Variants in ZNF678 observed in about 807,000 individuals in gnomAD.
ZNF678 encodes the protein hypothetical protein MGC42493.
In ZNF678, 5 loss-of-function variants were observed where a neutral mutation model predicts 3.0. That is an observed-to-expected ratio of 1.69 (90% CI 0.88 to 3.56). ZNF678 has a LOEUF of 3.56. Ranked by LOEUF, ZNF678 falls within the 30% of genes most tolerant of loss-of-function variation. The pLI is 0.00. For synonymous variants in ZNF678, 218 were observed against 199.6 expected (o/e 1.09, Z -0.78); for missense variants, 593 against 605.0 (o/e 0.98, Z 0.21).
intron 5 of ZNF678, among the ~76,000 whole-genome samples, chr1:227,671,076 T>C (rs1489985142): frequency 5.5e-5 from 1 of 18,118 alleles, no homozygotes; most frequent in Non-Finnish European, 8.3e-5. Context: ...TGGATCACCT[T>C]TTTTTTTTTT....
chr1:227,672,382 T>TAA (rs972818999), intron 5 of ZNF678, among the ~76,000 whole-genome samples: 1 of 151,968 alleles, frequency 6.6e-6, no homozygotes, highest in Non-Finnish European at 1.5e-5. Context: ...GAAGGGCCCA[T>TAA]AATAAGCTTC....
chr1:227,642,736 G>C lies in ZNF678; in HGVS notation c.-163-3808G>C, dbSNP rs146481588. Among the ~76,000 whole-genome samples the C allele has an allele frequency of 1.7e-3, 265 of 151,738 alleles. 1 individual carries two copies. The highest frequency in any genetic ancestry group is 6.0e-3 in the African/African-American group (249 of 41,340). On this transcript the variant is annotated intron_variant, in intron 1 of 3. Coordinates refer to ENST00000343776, the MANE Select transcript of ZNF678 (RefSeq NM_001367909.1). ...CATTTAGGGATGTCCTGTGAAGACT[G>C]TTGATGGGGTTGTATTCTGCTTTCA...
intron 2 of ZNF678, among the ~76,000 whole-genome samples, chr1:227,647,187 GC>G (rs1658980553): frequency 6.6e-6 from 1 of 152,160 alleles, no homozygotes; most frequent in African/African-American, 2.4e-5. Context: ...AACCTGAGAG[GC>G]AGAGGTTGCA....
At chr1:227,592,412 T>G (rs1347023978) in intron 1 of ZNF678, among the ~76,000 whole-genome samples, 1 of 152,218 alleles carries the variant, frequency 6.6e-6, no homozygotes, top group African/African-American at 2.4e-5. Context: ...CTAGTTGTTT[T>G]GAGAGATAGG....
intron 1 of ZNF678, among the ~76,000 whole-genome samples, chr1:227,625,737 TA>T (rs1658395547): frequency 6.6e-6 from 1 of 152,098 alleles, no homozygotes. Context: ...TTGTAGGGGC[TA>T]GGGGTGCTTT....
chr1:227,563,594 T>A lies in ZNF678; in HGVS notation c.-294T>A. 1.0e-6 allele frequency: 1 copy of A among 982,500 alleles called. No individual in the cohort carries two copies. The highest frequency in any genetic ancestry group is 1.4e-6 in the Non-Finnish European group (1 of 694,238). The allele number at this position is 982,500 out of a possible 1,614,324, so 60.9% of individuals were successfully genotyped here. A position where few individuals can be genotyped will look rare whatever the true frequency, so the allele number is the denominator to read the frequency against. On this transcript the variant is annotated 5_prime_UTR_variant, in exon 1 of 4. Transcript: ENST00000343776. ...TCCAGCTGGAGCTTTGGTCCCGTAT[T>A]CTCGGCTATTTATCCCCAGCTGCGG...
chr1:227,617,646 C>A (rs1158351726), intron 1 of ZNF678, among the ~76,000 whole-genome samples: 2 of 152,156 alleles, frequency 1.3e-5, no homozygotes, highest in Non-Finnish European at 2.9e-5. Flanking sequence ...AATGGCCATA[C>A]ATACTATGGC....
chr1:227,613,588 G>A (rs1003097240), intron 1 of ZNF678, among the ~76,000 whole-genome samples: 1 of 152,240 alleles, frequency 6.6e-6, no homozygotes, highest in Non-Finnish European at 1.5e-5. Flanking sequence ...CCAGCAGCTT[G>A]AAGACTAGCA....
intron 3 of ZNF678, among the ~76,000 whole-genome samples, chr1:227,651,537 G>A (rs1659093189): frequency 6.6e-6 from 1 of 152,184 alleles, no homozygotes; most frequent in African/African-American, 2.4e-5. Flanking sequence ...CTTGACTATG[G>A]CTGGGAGGAG....
intron 3 of ZNF678, among the ~76,000 whole-genome samples, chr1:227,653,810 A>G (rs1419855306): frequency 6.6e-6 from 1 of 152,128 alleles, no homozygotes; most frequent in Non-Finnish European, 1.5e-5. Flanking sequence ...TGCAGTAGCA[A>G]TTATTTACCT....
chr1:227,589,572 C>T (rs1030000823), intron 1 of ZNF678, among the ~76,000 whole-genome samples: 10 of 151,588 alleles, frequency 6.6e-5, no homozygotes, highest in South Asian at 2.1e-4. Flanking sequence ...CCCGAGTGAG[C>T]AATTCCTGTC....
downstream of ZNF678, among the ~76,000 whole-genome samples, chr1:227,666,357 C>T (rs1443313672): frequency 2.0e-5 from 3 of 152,176 alleles, no homozygotes; most frequent in African/African-American, 7.2e-5. Context: ...CCCATCCTGG[C>T]TTTTGAGCTG....
chr1:227,565,216 C>T (rs1488290097), intron 1 of ZNF678, among the ~76,000 whole-genome samples: 2 of 152,078 alleles, frequency 1.3e-5, no homozygotes, highest in African/African-American at 4.8e-5. Flanking sequence ...CAGGCGTGCG[C>T]CACTACACCT....
At chr1:227,588,704 C>T (rs1337281785) in intron 1 of ZNF678, among the ~76,000 whole-genome samples, 1 of 151,978 alleles carries the variant, frequency 6.6e-6, no homozygotes, top group Admixed American at 6.6e-5. Flanking sequence ...CAAGGTTTCA[C>T]TTGTTGGCCA....
At chr1:227,624,602 G>T (rs1300125305) in intron 1 of ZNF678, among the ~76,000 whole-genome samples, 1 of 152,148 alleles carries the variant, frequency 6.6e-6, no homozygotes, top group Non-Finnish European at 1.5e-5. Flanking sequence ...CTCTGACCTG[G>T]GGTTGTTGGC....
chr1:227,655,730 T>C lies in ZNF678; in HGVS notation c.1480T>C (p.Cys494Arg), dbSNP rs919745284. Residue 494 changes from cysteine (C) to arginine (R), a missense_variant, in exon 4 of 4, where the codon TGT (cysteine) becomes CGT (arginine). Cys to Arg is a radical substitution (Grantham distance 180, BLOSUM62 -3). Coordinates refer to ENST00000343776, the MANE Select transcript of ZNF678 (RefSeq NM_001367909.1). ...AGAGAAACGCTACAAATGTAAAGAA[T>C]GTGGAAAAGGTTTTTACCAATCCTC... ...TGEKRYKCKE[C>R]GKGFYQSSIH... 5.0e-6 allele frequency: 8 copies of C among 1,612,440 alleles called. No individual in the cohort carries two copies. The highest frequency in any genetic ancestry group is 2.2e-5 in the East Asian group (1 of 44,828).
intron 1 of ZNF678, among the ~76,000 whole-genome samples, chr1:227,617,589 G>C (rs1437497847): frequency 6.6e-6 from 1 of 152,310 alleles, no homozygotes; most frequent in East Asian, 1.9e-4. Context: ...GTGGGCAGAA[G>C]TTTGGGTTGT....
rs368493446 is a variant in ZNF678 at position 227,563,736 on chromosome 1, C to T, written c.-164+12C>T. ...AAAGCCGGAAAACGGTGAGAGTTCC[C>T]GGGAGGGTGTTCCAAGATGGCGGTC... On this transcript the variant is annotated intron_variant, in intron 1 of 3. Coordinates refer to ENST00000343776, the MANE Select transcript of ZNF678 (RefSeq NM_001367909.1). 246 of 1,318,224 alleles carry T rather than the reference C, an allele frequency of 1.9e-4. No homozygotes were observed. The highest frequency in any genetic ancestry group is 2.3e-4 in the Non-Finnish European group (231 of 995,730). 81.7% of individuals were successfully genotyped at this position (1,318,224 alleles called of 1,614,324 possible).
At chr1:227,585,497 G>A (rs980166304) in intron 1 of ZNF678, among the ~76,000 whole-genome samples, 42 of 152,132 alleles carry the variant, frequency 2.8e-4, no homozygotes, top group African/African-American at 5.1e-4. Context: ...GATCTTGGCC[G>A]GGCACGGTGG....
Sources: gnomAD v4.1 joint callset for allele counts (sites outside exome capture counted in the v4.1 genomes callset) on GRCh38, gnomAD v4.1.1 for gene constraint, MANE v1.5 for transcripts, NCBI Gene and HGNC (gene_info 2026-07-23, HGNC 2026-07-21) for gene names.